PRELID3A: variants seen among roughly 807,000 people sequenced by gnomAD.
PRELID3A encodes the protein PRELI domain containing 3A, also known as PRELI domain containing protein 3A.
A neutral mutation model predicts 23.0 loss-of-function variants in PRELID3A; 27 were observed. The observed-to-expected ratio is 1.17, with a 90% CI of 0.87 to 1.62. The LOEUF (loss-of-function observed/expected upper bound fraction) is 1.62. PRELID3A is among the 40% of genes most tolerant of loss of function. The pLI, the probability that PRELID3A is intolerant of heterozygous loss-of-function variation, is 0.00. For missense variants in PRELID3A, 231 were observed against 231.4 expected (o/e 1.00, Z 0.01); for synonymous variants, 87 against 86.4 (o/e 1.01, Z -0.04).
chr18:12,414,697 A>T (rs2029890378), intron 1 of PRELID3A, among the ~76,000 whole-genome samples: 1 of 152,032 alleles, frequency 6.6e-6, no homozygotes, highest in African/African-American at 2.4e-5. Context: ...ACTGCATCCC[A>T]GTCTCACTCT....
chr18:12,421,732 TG>T (rs1394676452), intron 3 of PRELID3A, 103 bp downstream of exon 3: 6 of 724,852 alleles, frequency 8.3e-6, no homozygotes, highest in Non-Finnish European at 1.4e-5. Flanking sequence ...GTCTAGGTGT[TG>T]CTTATTTTTA....
At chr18:12,430,331 A>G (rs1456219019) in intron 6 of PRELID3A, among the ~76,000 whole-genome samples, 2 of 144,090 alleles carry the variant, frequency 1.4e-5, no homozygotes, top group Non-Finnish European at 3.0e-5. Flanking sequence ...CGGTGTGTGG[A>G]GTGTGTGCTG....
rs1420457362 is a variant in PRELID3A, at chr18:12,417,596, AATG to A, written c.33-2726_33-2724del. 1.3e-4 allele frequency among the ~76,000 whole-genome samples: 20 copies of A among 152,244 alleles called. 1 individual carries two copies. The highest frequency in any genetic ancestry group is 1.1e-3 in the Admixed American group (17 of 15,270). On this transcript the variant is annotated intron_variant, in intron 1 of 6. Coordinates refer to ENST00000440960, the MANE Select transcript of PRELID3A (RefSeq NM_001142405.2). The stretch of plus-strand genomic sequence containing the variant: ...AGGCATACCCTGTTCTGCTTAAAGT[AATG>A]ATTTCTATGGGAATAAGTCTAAGGA...
At chr18:12,427,701 A>T (rs983281724) in intron 5 of PRELID3A, among the ~76,000 whole-genome samples, 6 of 151,678 alleles carry the variant, frequency 4.0e-5, no homozygotes, top group African/African-American at 1.2e-4. Context: ...TAAAAAAAAA[A>T]ATAAAAATAA....
chr18:12,418,276 A>G (rs915488461), intron 1 of PRELID3A, among the ~76,000 whole-genome samples: 3 of 152,230 alleles, frequency 2.0e-5, no homozygotes, highest in African/African-American at 7.2e-5. Context: ...AGTGAAAGCA[A>G]TCTACATAAC....
chr18:12,409,028 C>G (rs1332926160), intron 1 of PRELID3A, among the ~76,000 whole-genome samples: 2 of 152,028 alleles, frequency 1.3e-5, no homozygotes, highest in African/African-American at 4.8e-5. Context: ...TTTTAATTAT[C>G]TGACCTCACT....
At chr18:12,422,213 T>TC (rs1186381903) in intron 3 of PRELID3A, 1 of 150,690 alleles carries the variant, frequency 6.6e-6, no homozygotes, top group Non-Finnish European at 1.5e-5. Context: ...TTTTTTTTTT[T>TC]TTAATTTTTG....
chr18:12,408,658 A>G (rs983557002), intron 1 of PRELID3A, among the ~76,000 whole-genome samples: 1 of 152,216 alleles, frequency 6.6e-6, no homozygotes, highest in East Asian at 1.9e-4. Flanking sequence ...AGGCCCAGAA[A>G]GACAAGTATC....
intron 1 of PRELID3A, among the ~76,000 whole-genome samples, chr18:12,419,275 G>A (rs1286580532): frequency 2.7e-5 from 4 of 148,938 alleles, no homozygotes; most frequent in Non-Finnish European, 5.9e-5. Flanking sequence ...GCAGTGAGCC[G>A]AGACAGAGCC....
At chr18:12,414,562 C>T (rs1282342685) in intron 1 of PRELID3A, among the ~76,000 whole-genome samples, 1 of 152,106 alleles carries the variant, frequency 6.6e-6, no homozygotes, top group African/African-American at 2.4e-5. Context: ...CCCATCTCTA[C>T]TAAAAATACA....
In PRELID3A at chr18:12,427,398, G is replaced by A. The variant is rs182296516; in HGVS notation, c.465+75G>A. 3.8e-5 allele frequency: 43 copies of A among 1,130,598 alleles called. No individual in the cohort carries two copies. The Admixed American group carries it at 6.1e-4, about 16-fold the overall frequency. The allele number at this position is 1,130,598 out of a possible 1,614,324, so 70.0% of individuals were successfully genotyped here. Reference sequence around the variant, plus strand: ...CCAGATTAAGAATATGACATTTTTAGTCTCATCAGTCTTCCTGGCTGGGCA... The same window carrying A: ...CCAGATTAAGAATATGACATTTTTAATCTCATCAGTCTTCCTGGCTGGGCA... On this transcript the variant is annotated intron_variant, in intron 5 of 6. Coordinates refer to ENST00000440960, the MANE Select transcript of PRELID3A (RefSeq NM_001142405.2).
intron 1 of PRELID3A, among the ~76,000 whole-genome samples, chr18:12,416,510 T>A (rs74360032): frequency 0.026 from 3,984 of 152,248 alleles, 94 homozygotes; most frequent in African/African-American, 0.061. Flanking sequence ...AGATGAGGGG[T>A]CTTGCTATAT....
intron 3 of PRELID3A, among the ~76,000 whole-genome samples, chr18:12,424,730 T>C (rs1201421868): frequency 6.6e-6 from 1 of 152,256 alleles, no homozygotes; most frequent in Non-Finnish European, 1.5e-5. Flanking sequence ...ACATGGTCTT[T>C]TATCAGAATT....
chr18:12,421,181 G>A, intron 2 of PRELID3A: 1 of 234,052 alleles, frequency 4.3e-6, no homozygotes, highest in Non-Finnish European at 8.3e-6. Flanking sequence ...GCCTGCACCT[G>A]CTGCCCCCAG....
At chr18:12,430,281 G>A (rs2030526124) in intron 6 of PRELID3A, among the ~76,000 whole-genome samples, 1 of 152,070 alleles carries the variant, frequency 6.6e-6, no homozygotes, top group African/African-American at 2.4e-5. Flanking sequence ...GGTGTGTGGT[G>A]TGTGCTGTGT....
chr18:12,424,756 G>A (rs1038103079), intron 3 of PRELID3A, among the ~76,000 whole-genome samples: 10 of 152,204 alleles, frequency 6.6e-5, no homozygotes, highest in South Asian at 2.1e-4. Context: ...TTTGAGAAGA[G>A]GGTGAACTGA....
At chr18:12,422,197 C>CTTTTTTT (rs562964007) in intron 3 of PRELID3A, 1 of 131,112 alleles carries the variant, frequency 7.6e-6, no homozygotes, top group Non-Finnish European at 1.6e-5. Context: ...TTTCAACGTG[C>CTTTTTTT]TTTTTTTTTT....
At position 12,416,260 on chromosome 18, in the gene PRELID3A, A is replaced by G. The variant is rs146304150; in HGVS notation, c.33-4065A>G. Among the ~76,000 whole-genome samples the G allele has an allele frequency of 1.9e-3, 293 of 152,190 alleles. 2 individuals carry two copies. The highest frequency in any genetic ancestry group is 8.1e-3 in the South Asian group (39 of 4,818). ...TTGCCAGACTTGTCTATTTTTGCCC[A>G]TTGAAAGCGTGTCAGGCTATTTTTG... is the stretch of plus-strand genomic sequence containing the variant. On this transcript the variant is annotated intron_variant, in intron 1 of 6. Transcript: ENST00000440960.
At chr18:12,429,073 G>A (rs774586936) in intron 5 of PRELID3A, among the ~76,000 whole-genome samples, 12 of 152,168 alleles carry the variant, frequency 7.9e-5, no homozygotes, top group Non-Finnish European at 1.5e-4. Flanking sequence ...CAGCCTCAGC[G>A]CTGGGATTTG....
Sources: allele counts gnomAD v4.1 joint callset (sites outside exome capture counted in the v4.1 genomes callset), GRCh38; gene constraint gnomAD v4.1.1; transcripts MANE v1.5; gene names NCBI Gene and HGNC (gene_info 2026-07-23, HGNC 2026-07-21).